The following RASA2 variants were observed in gnomAD, a reference collection of about 807,000 sequenced individuals.
The protein encoded by RASA2 is ras GTPase-activating protein 2.
A neutral mutation model predicts 118.2 loss-of-function variants in RASA2; 155 were observed. The ratio of observed to expected loss-of-function variants is 1.31; its 90% confidence interval spans 1.15 to 1.50. The LOEUF (loss-of-function observed/expected upper bound fraction) is 1.50. RASA2 is among the 40% of genes most tolerant of loss of function. The probability of loss-of-function intolerance (pLI) is 0.00; values close to 1 mark genes in which losing one functional copy is unlikely to be tolerated. For synonymous variants in RASA2, 353 were observed against 349.1 expected, an observed-to-expected ratio of 1.01 and a Z score of -0.12; for missense variants, 1,016 against 1,009.6, an observed-to-expected ratio of 1.01 and a Z score of -0.09.
intron 17 of RASA2, among the ~76,000 whole-genome samples, chr3:141,584,776 A>G (rs1331447628): frequency 1.3e-5 from 2 of 152,202 alleles, no homozygotes; most frequent in African/African-American, 2.4e-5. Flanking sequence ...TAGAAATGTA[A>G]TAGTTACAGG....
intron 3 of RASA2, among the ~76,000 whole-genome samples, chr3:141,520,011 CTTTT>C (rs559634060): frequency 1.8e-5 from 2 of 109,788 alleles, no homozygotes; most frequent in Admixed American, 1.0e-4. Flanking sequence ...TTCTTTTTCT[CTTTT>C]TTTTTTTTTT....
intron 19 of RASA2, among the ~76,000 whole-genome samples, chr3:141,592,813 G>A (rs1283854215): frequency 1.3e-5 from 2 of 150,258 alleles, no homozygotes; most frequent in East Asian, 2.0e-4. Context: ...AACTCTTTTT[G>A]AGGAAAAAAA....
intron 5 of RASA2, among the ~76,000 whole-genome samples, chr3:141,546,668 G>C (rs2082490924): frequency 6.6e-6 from 1 of 152,092 alleles, no homozygotes; most frequent in South Asian, 2.1e-4. Context: ...TCCTTCCTTT[G>C]TTGTGTAGAA....
chr3:141,499,475 C>T (rs1261336240), intron 1 of RASA2, among the ~76,000 whole-genome samples: 1 of 152,170 alleles, frequency 6.6e-6, no homozygotes, highest in East Asian at 1.9e-4. Context: ...TCTCGGCTAG[C>T]CACCCAAACT....
At chr3:141,575,617 T>A (rs1369371221) in intron 14 of RASA2, among the ~76,000 whole-genome samples, 5 of 152,212 alleles carry the variant, frequency 3.3e-5, no homozygotes, top group Non-Finnish European at 7.3e-5. Flanking sequence ...CCAAGGTCTG[T>A]GGCGTGGCCA....
intron 1 of RASA2, among the ~76,000 whole-genome samples, chr3:141,505,411 A>G (rs74542566): frequency 6.6e-6 from 1 of 151,986 alleles, no homozygotes; most frequent in East Asian, 1.9e-4. Context: ...ACATGACTAC[A>G]TAGGAATTGA....
chr3:141,569,986 C>T (rs1387178696), intron 9 of RASA2, among the ~76,000 whole-genome samples: 6 of 151,474 alleles, frequency 4.0e-5, no homozygotes, highest in African/African-American at 1.2e-4. Flanking sequence ...TGACTGCGAA[C>T]AAGATTAGTC....
chr3:141,568,830 G>A (rs1344050188), intron 9 of RASA2, among the ~76,000 whole-genome samples: 1 of 151,634 alleles, frequency 6.6e-6, no homozygotes, highest in East Asian at 1.9e-4. Flanking sequence ...AAATTTTGTG[G>A]GCAATATGAT....
intron 19 of RASA2, among the ~76,000 whole-genome samples, chr3:141,594,130 T>G (rs1185987789): frequency 1.3e-5 from 2 of 152,062 alleles, no homozygotes; most frequent in Non-Finnish European, 2.9e-5. Context: ...CAAATGGAAA[T>G]TCTAGAATTG....
intron 9 of RASA2, among the ~76,000 whole-genome samples, chr3:141,568,729 A>C (rs1359411862): frequency 6.6e-6 from 1 of 152,104 alleles, no homozygotes; most frequent in Non-Finnish European, 1.5e-5. Context: ...CTACAAAAAG[A>C]ATCTCCATTC....
intron 19 of RASA2, 47 bp downstream of exon 19, chr3:141,586,799 GA>G (rs2083211074): frequency 1.3e-6 from 2 of 1,485,064 alleles, no homozygotes; most frequent in African/African-American, 2.8e-5. Flanking sequence ...GGTTCTCAGT[GA>G]AGGTTTCTTT....
intron 1 of RASA2, among the ~76,000 whole-genome samples, chr3:141,506,335 C>T (rs1479908257): frequency 6.6e-6 from 1 of 152,194 alleles, no homozygotes; most frequent in Non-Finnish European, 1.5e-5. Context: ...ATGTATCTGC[C>T]TTTGTAGGAC....
intron 1 of RASA2, among the ~76,000 whole-genome samples, chr3:141,489,985 G>T (rs1389422610): frequency 2.7e-5 from 4 of 146,538 alleles, no homozygotes; most frequent in Non-Finnish European, 6.0e-5. Flanking sequence ...TTTTTTTGCC[G>T]GGGGGCTGGG....
chr3:141,513,746 A>G (rs1280549779), intron 2 of RASA2, among the ~76,000 whole-genome samples: 1 of 152,216 alleles, frequency 6.6e-6, no homozygotes, highest in Non-Finnish European at 1.5e-5. Context: ...ACAAGATCAG[A>G]TATGACTTCT....
At chr3:141,519,757 A>C (rs901758055) in intron 3 of RASA2, among the ~76,000 whole-genome samples, 3 of 152,108 alleles carry the variant, frequency 2.0e-5, no homozygotes, top group African/African-American at 7.2e-5. Flanking sequence ...AATTCAGTTT[A>C]ACATTTACCA....
chr3:141,558,039 A>T (rs1292670120), intron 7 of RASA2, among the ~76,000 whole-genome samples: 1 of 152,206 alleles, frequency 6.6e-6, no homozygotes, highest in African/African-American at 2.4e-5. Context: ...CAGCCAAGAA[A>T]GCCAAGAGAA....
rs764290091 is a variant in RASA2 at position 141,540,516 on chromosome 3, T to C, written c.451-17T>C. 6.3e-7 allele frequency: 1 copy of C among 1,590,356 alleles called. No homozygotes were observed. Among genetic ancestry groups the C allele is most frequent in the Non-Finnish European group, 8.6e-7 (1 of 1,159,986 alleles). On this transcript the variant is annotated splice_polypyrimidine_tract_variant and intron_variant, in intron 4 of 23. Transcript: ENST00000286364. ...GTAAAATAGACTACTCAGTTTGTAA[T>C]CTTTTTGTCATTATAGGGTAAAGTT...
intron 4 of RASA2, among the ~76,000 whole-genome samples, chr3:141,534,906 G>A (rs2082306890): frequency 6.6e-6 from 1 of 151,980 alleles, no homozygotes; most frequent in Non-Finnish European, 1.5e-5. Context: ...TTCATCTGAT[G>A]GGCGATTGTG....
intron 8 of RASA2, 26 bp downstream of exon 8, chr3:141,558,988 T>C: frequency 1.3e-6 from 2 of 1,539,024 alleles, no homozygotes; most frequent in Non-Finnish European, 1.8e-6. Flanking sequence ...TTTTACAGAA[T>C]TGCTTTTTTG....
Sources: gnomAD v4.1 joint callset for allele counts (sites outside exome capture counted in the v4.1 genomes callset) on GRCh38, gnomAD v4.1.1 for gene constraint, MANE v1.5 for transcripts, NCBI Gene and HGNC (gene_info 2026-07-23, HGNC 2026-07-21) for gene names.